The following ARB2A variants were observed in gnomAD, a reference collection of about 807,000 sequenced individuals.
ARB2A encodes cotranscriptional regulator ARB2A.
At chr5:93,761,900 A>G in the ARB2A span, among the ~76,000 whole-genome samples, 1 of 152,214 alleles carries the variant, frequency 6.6e-6, no homozygotes, top group African/African-American at 2.4e-5. Flanking sequence ...CTGTTCACCA[A>G]TATCTGCTGT....
At chr5:93,737,814 C>G in the ARB2A span, 1 of 397,482 alleles carries the variant, frequency 2.5e-6, no homozygotes, top group South Asian at 1.9e-5. Flanking sequence ...GCACTTACCT[C>G]ATACCGTATA....
the ARB2A span, among the ~76,000 whole-genome samples, chr5:93,769,713 A>G: frequency 6.6e-6 from 1 of 152,204 alleles, no homozygotes; most frequent in East Asian, 1.9e-4. Context: ...ATTATGGAGA[A>G]CAAGATGGTC....
At chr5:93,967,130 A>C in the ARB2A span, among the ~76,000 whole-genome samples, 8 of 152,158 alleles carry the variant, frequency 5.3e-5, no homozygotes, top group African/African-American at 1.9e-4. Context: ...AGAAAAACCA[A>C]AAAATGAAAA....
chr5:93,813,349 G>T, the ARB2A span, among the ~76,000 whole-genome samples: 1 of 152,114 alleles, frequency 6.6e-6, no homozygotes, highest in Non-Finnish European at 1.5e-5. Context: ...TAGCTGAGGA[G>T]ATTTCTAAGT....
At chr5:93,877,540 A>G in the ARB2A span, among the ~76,000 whole-genome samples, 4 of 152,272 alleles carry the variant, frequency 2.6e-5, no homozygotes, top group South Asian at 2.1e-4. Context: ...ATTGACATGC[A>G]ATGCCAAAAC....
chr5:93,907,724 C>T, the ARB2A span, among the ~76,000 whole-genome samples: 1 of 151,350 alleles, frequency 6.6e-6, no homozygotes, highest in East Asian at 1.9e-4. Context: ...CATATTTTTA[C>T]AAGTAACATT....
chr5:93,763,443 A>C, the ARB2A span, among the ~76,000 whole-genome samples: 6 of 152,324 alleles, frequency 3.9e-5, no homozygotes, highest in South Asian at 2.1e-4. Flanking sequence ...ATCAAAAGAG[A>C]CAAAGAAGGC....
At chr5:93,805,289 T>C in the ARB2A span, 8 of 985,202 alleles carry the variant, frequency 8.1e-6, no homozygotes, top group Non-Finnish European at 9.6e-6. Context: ...TGAAAGCTTT[T>C]TGGCAATTCC....
At chr5:93,652,317 A>G in the ARB2A span, among the ~76,000 whole-genome samples, 1 of 152,182 alleles carries the variant, frequency 6.6e-6, no homozygotes, top group Non-Finnish European at 1.5e-5. Context: ...AAATGCTTAC[A>G]TTGGTTGAAA....
chr5:93,771,879 T>A, the ARB2A span, among the ~76,000 whole-genome samples: 2 of 152,292 alleles, frequency 1.3e-5, no homozygotes, highest in African/African-American at 4.8e-5. Context: ...TAGTTCAACC[T>A]TTGTGGAAGT....
chr5:93,697,499 A>AAT, the ARB2A span, among the ~76,000 whole-genome samples: 2 of 152,182 alleles, frequency 1.3e-5, no homozygotes, highest in African/African-American at 2.4e-5. Context: ...TACACTTTTA[A>AAT]AATATTTTGC....
the ARB2A span, among the ~76,000 whole-genome samples, chr5:93,956,335 T>G: frequency 6.6e-6 from 1 of 152,182 alleles, no homozygotes; most frequent in South Asian, 2.1e-4. Context: ...GCTTCACATA[T>G]TTAAACTTAA....
chr5:93,701,360 T>C, the ARB2A span, among the ~76,000 whole-genome samples: 1 of 152,286 alleles, frequency 6.6e-6, no homozygotes. Context: ...TGATAAAATG[T>C]GATTCTTATA....
chr5:93,929,673 T>C, the ARB2A span, among the ~76,000 whole-genome samples: 2 of 152,086 alleles, frequency 1.3e-5, no homozygotes, highest in African/African-American at 4.8e-5. Context: ...GAAATAAAAC[T>C]TAAACTGGAC....
chr5:94,029,165 T>C, the ARB2A span, among the ~76,000 whole-genome samples: 1 of 152,144 alleles, frequency 6.6e-6, no homozygotes, highest in South Asian at 2.1e-4. Context: ...CTAATTTTTG[T>C]ATTTTTAGTA....
At chr5:93,815,582 C>T in the ARB2A span, among the ~76,000 whole-genome samples, 46 of 152,222 alleles carry the variant, frequency 3.0e-4, no homozygotes, top group Middle Eastern at 6.8e-3. Context: ...ATTTTTACGC[C>T]TATGATAATA....
At chr5:93,862,015 G>A in the ARB2A span, 1 of 152,098 alleles carries the variant, frequency 6.6e-6, no homozygotes. Flanking sequence ...TAGAACATTT[G>A]AATAAAGACA....
the ARB2A span, among the ~76,000 whole-genome samples, chr5:93,712,779 G>C: frequency 3.3e-5 from 5 of 152,136 alleles, no homozygotes; most frequent in Non-Finnish European, 4.4e-5. Context: ...CCAAACTGAA[G>C]GGATCACATT....
the ARB2A span, among the ~76,000 whole-genome samples, chr5:93,811,167 G>A: frequency 2.6e-5 from 4 of 152,042 alleles, no homozygotes; most frequent in South Asian, 2.1e-4. Flanking sequence ...TTAGAAGACC[G>A]CTGTCTCTTT....
Sources: gnomAD v4.1 joint callset for allele counts (sites outside exome capture counted in the v4.1 genomes callset) on GRCh38, gnomAD v4.1.1 for gene constraint, MANE v1.5 for transcripts, NCBI Gene and HGNC (gene_info 2026-07-23, HGNC 2026-07-21) for gene names.